Variants in EPAS1 observed in about 807,000 individuals in gnomAD.
EPAS1 encodes endothelial PAS domain-containing protein 1.
A neutral mutation model predicts 87.9 loss-of-function variants in EPAS1; 23 were observed. The observed-to-expected ratio is 0.26, with a 90% CI of 0.19 to 0.37. The LOEUF (loss-of-function observed/expected upper bound fraction) is 0.37. EPAS1 is among the 10% of genes least tolerant of loss of function. EPAS1 has a pLI of 1.00. For synonymous variants in EPAS1, 508 were observed against 444.3 expected (o/e 1.14, Z -1.80); for missense variants, 1,138 against 1,120.7 (o/e 1.02, Z -0.22).
At chr2:46,366,500 C>G (rs1414877579) in intron 6 of EPAS1, among the ~76,000 whole-genome samples, 3 of 152,040 alleles carry the variant, frequency 2.0e-5, no homozygotes, top group African/African-American at 4.8e-5. Context: ...GGCTGACTAT[C>G]TATCTGCATC....
chr2:46,379,341 C>G (rs1684828901), intron 11 of EPAS1, among the ~76,000 whole-genome samples: 1 of 151,978 alleles, frequency 6.6e-6, no homozygotes, highest in Admixed American at 6.6e-5. Flanking sequence ...AACCATTAAT[C>G]CCCCATTTGT....
intron 1 of EPAS1, among the ~76,000 whole-genome samples, chr2:46,301,232 A>T (rs1682989652): frequency 6.6e-6 from 1 of 152,314 alleles, no homozygotes; most frequent in Admixed American, 6.5e-5. Flanking sequence ...AAGGAAACTG[A>T]TGCCGAGAGA....
At chr2:46,299,848 A>G (rs933262464) in intron 1 of EPAS1, among the ~76,000 whole-genome samples, 13 of 152,176 alleles carry the variant, frequency 8.5e-5, no homozygotes, top group Non-Finnish European at 2.9e-5. Flanking sequence ...CGGGAATGGG[A>G]GCGGGAAGAA....
chr2:46,345,583 A>T (rs1346601425), intron 1 of EPAS1, among the ~76,000 whole-genome samples: 1 of 150,406 alleles, frequency 6.6e-6, no homozygotes, highest in Non-Finnish European at 1.5e-5. Flanking sequence ...TAAATTAGGT[A>T]TAATAATAAT....
chr2:46,299,838 C>T (rs1428413621), intron 1 of EPAS1, among the ~76,000 whole-genome samples: 3 of 152,114 alleles, frequency 2.0e-5, no homozygotes, highest in Admixed American at 1.3e-4. Flanking sequence ...AGAGAAGAAG[C>T]GGGAATGGGA....
chr2:46,375,912 A>G lies in EPAS1; in HGVS notation c.1034+75A>G. Reference sequence around the variant, plus strand: ...CCAAGCTTCCCAGACTCAGGATGACAGGCCTAGGAGATGCCAGGCCTCTCA... The same window carrying G: ...CCAAGCTTCCCAGACTCAGGATGACGGGCCTAGGAGATGCCAGGCCTCTCA... On this transcript the variant is annotated intron_variant, in intron 8 of 15. Coordinates refer to ENST00000263734, the MANE Select transcript of EPAS1 (RefSeq NM_001430.5). The surrounding 1 kb of genome is among the most constrained non-coding windows in gnomAD (Gnocchi z 4.1). The G allele has an allele frequency of 6.2e-7, 1 of 1,603,004 alleles. No homozygotes were observed.
At chr2:46,359,366 C>T (rs562459176) in intron 4 of EPAS1, among the ~76,000 whole-genome samples, 1 of 151,634 alleles carries the variant, frequency 6.6e-6, no homozygotes, top group Admixed American at 6.6e-5. Context: ...CAAATGAATC[C>T]CTCCAGCCCC....
At chr2:46,332,385 C>T (rs1445868913) in intron 1 of EPAS1, among the ~76,000 whole-genome samples, 5 of 149,712 alleles carry the variant, frequency 3.3e-5, no homozygotes, top group Non-Finnish European at 4.4e-5. Context: ...GTAAAGATGA[C>T]ATTATCTCTA....
chr2:46,309,468 G>T (rs754253225), intron 1 of EPAS1, among the ~76,000 whole-genome samples: 18 of 152,342 alleles, frequency 1.2e-4, no homozygotes, highest in Non-Finnish European at 2.2e-4. Context: ...AACAATGGAA[G>T]ATTGATAGTA....
chr2:46,384,731 T>C lies in EPAS1; in HGVS notation c.*71T>C. On this transcript the variant is annotated 3_prime_UTR_variant, in exon 16 of 16. Transcript: ENST00000263734. ...CAGCTTCACTCTCTCCGTCTGTTTT[T>C]GCAACTAGGTATTTCTAACGCCAGC... 11 of 1,569,648 alleles carry C rather than the reference T, an allele frequency of 7.0e-6. No individual in the cohort carries two copies. The highest frequency in any genetic ancestry group is 8.6e-6 in the Non-Finnish European group (10 of 1,158,100).
chr2:46,356,654 C>T, intron 3 of EPAS1, 70 bp from the exon 4 acceptor site: 1 of 1,264,090 alleles, frequency 7.9e-7, no homozygotes, highest in Admixed American at 1.7e-5. Context: ...TGGAAGGTGG[C>T]TCAGCTTACT....
At chr2:46,311,538 C>G (rs1683211933) in intron 1 of EPAS1, among the ~76,000 whole-genome samples, 1 of 152,156 alleles carries the variant, frequency 6.6e-6, no homozygotes, top group Admixed American at 6.5e-5. Context: ...AAATTTGAGT[C>G]TAGCATCTAC....
At chr2:46,364,718 G>T (rs76881796) in intron 6 of EPAS1, among the ~76,000 whole-genome samples, 1,530 of 152,324 alleles carry the variant, frequency 0.01, 29 homozygotes, top group African/African-American at 0.035. Flanking sequence ...AAGTTGAGTA[G>T]CAGGGTAAAA....
chr2:46,363,452 A>G (rs1379158372), intron 6 of EPAS1, among the ~76,000 whole-genome samples: 1 of 152,238 alleles, frequency 6.6e-6, no homozygotes, highest in Non-Finnish European at 1.5e-5. Context: ...CAGTGAGAAG[A>G]AATCCTCTGG....
Position 46,380,597 on chromosome 2 carries a change from A to C in EPAS1, c.1925A>C (p.Asp642Ala), listed in dbSNP as rs748980552. The part of the protein sequence containing the change: ...GGRSNTQWPP[D>A]PPLHFGPTKW... ...AGATCCAATACCCAGTGGCCCCCAG[A>C]TCCACCATTACATTTTGGGCCCACA... Residue 642 changes from aspartate (D) to alanine (A), a missense_variant, in exon 12 of 16, where the codon GAT becomes GCT. Asp to Ala is a moderately radical substitution (Grantham distance 126). Coordinates refer to ENST00000263734, the MANE Select transcript of EPAS1 (RefSeq NM_001430.5). This position sits in a 1 kb window ranked among gnomAD's most constrained non-coding sequence, Gnocchi z 4.4. 2 of 1,614,028 alleles carry C rather than the reference A, an allele frequency of 1.2e-6. No homozygotes were observed. Among genetic ancestry groups the C allele is most frequent in the Non-Finnish European group, 1.7e-6 (2 of 1,179,970 alleles).
chr2:46,298,459 C>G (rs114114460), intron 1 of EPAS1, among the ~76,000 whole-genome samples: 5,860 of 152,290 alleles, frequency 0.038, 167 homozygotes, highest in Non-Finnish European at 0.058. Context: ...ACGATCCTAC[C>G]GAGGAGCCAG....
Position 46,360,592 on chromosome 2 carries a change from A to G in EPAS1, c.455-46A>G, listed in dbSNP as rs374874715. The G allele has an allele frequency of 3.7e-5, 57 of 1,540,824 alleles. No homozygotes were observed. The highest frequency in any genetic ancestry group is 3.1e-4 in the South Asian group (28 of 89,534). On this transcript the variant is annotated intron_variant, in intron 4 of 15. Transcript: ENST00000263734. This position sits in a 1 kb window ranked among gnomAD's most constrained non-coding sequence, Gnocchi z 4.5. ...AGCTGGGCCCCTCTCATGAATATCC[A>G]TATAAAACTGACTTCAGCTGGTTCT...
At chr2:46,314,008 T>G (rs1294283218) in intron 1 of EPAS1, among the ~76,000 whole-genome samples, 1 of 152,244 alleles carries the variant, frequency 6.6e-6, no homozygotes, top group South Asian at 2.1e-4. Context: ...TGATGTAGAT[T>G]GAAGCTTTTG....
In EPAS1 at chr2:46,382,010, G is replaced by A. The variant is rs1260858568; in HGVS notation, c.2208G>A (p.Met736Ile). ...DPPGGSTSHL[M>I]WKRMKNLRGG... ...CTGGTGGCAGCACCTCACATTTGAT[G>A]TGGAAACGGATGAAGAACCTCAGGG... The change falls in exon 14 of 16, where the codon ATG becomes ATA. Residue 736 changes from methionine (M) to isoleucine (I), a missense_variant. Met to Ile is a conservative substitution (Grantham distance 10, BLOSUM62 1). Around this residue, in one of 4 missense-constraint regions of EPAS1, gnomAD observed 502 missense variants for 427.1 expected, o/e 1.18. Coordinates refer to ENST00000263734, the MANE Select transcript of EPAS1 (RefSeq NM_001430.5). The A allele has an allele frequency of 2.5e-6, 4 of 1,607,642 alleles. No homozygotes were observed. The highest frequency in any genetic ancestry group is 3.4e-6 in the Non-Finnish European group (4 of 1,176,220).
Sources: gnomAD v4.1 joint callset for allele counts (sites outside exome capture counted in the v4.1 genomes callset) on GRCh38, gnomAD v4.1.1 for gene constraint, gnomAD v4.1.1 regional missense constraint, Gnocchi (gnomAD v3.1) non-coding constraint, MANE v1.5 for transcripts, NCBI Gene and HGNC (gene_info 2026-07-23, HGNC 2026-07-21) for gene names.